The following CACNA1E variants were observed in gnomAD, a reference collection of about 807,000 sequenced individuals.
CACNA1E encodes the protein calcium voltage-gated channel subunit alpha1 E.
Under a neutral mutation model 259.2 loss-of-function variants are expected in CACNA1E, and 40 were observed. That is an observed-to-expected ratio of 0.15 (90% CI 0.12 to 0.20). The LOEUF is 0.20. Ranked by LOEUF, CACNA1E falls within the 10% of genes least tolerant of loss-of-function variation. CACNA1E has a pLI of 1.00. For synonymous variants in CACNA1E, 1,104 were observed against 1,138.5 expected (o/e 0.97, Z 0.61); for missense variants, 1,874 against 3,040.1 (o/e 0.62, Z 9.02).
chr1:181,356,101 A>G (rs376728717), intron 1 of CACNA1E, among the ~76,000 whole-genome samples: 1 of 152,314 alleles, frequency 6.6e-6, no homozygotes, highest in African/African-American at 2.4e-5. Context: ...ACTCAGGGCC[A>G]TCACAGTGCC....
chr1:181,445,074 C>T (rs143304065), intron 2 of CACNA1E, among the ~76,000 whole-genome samples: 350 of 152,238 alleles, frequency 2.3e-3, no homozygotes, highest in African/African-American at 8.1e-3. Context: ...AAGAGAGATA[C>T]GTACTGAGCC....
chr1:181,408,788 T>C (rs1468947198), intron 1 of CACNA1E, among the ~76,000 whole-genome samples: 3 of 152,210 alleles, frequency 2.0e-5, no homozygotes, highest in Non-Finnish European at 2.9e-5. Context: ...AGACTGGTGC[T>C]CTCAAAGCTT....
At chr1:181,559,600 G>GAGTTATT (rs1649101751) in intron 3 of CACNA1E, among the ~76,000 whole-genome samples, 9 of 152,214 alleles carry the variant, frequency 5.9e-5, no homozygotes, top group Admixed American at 5.9e-4. Context: ...AAACACTACA[G>GAGTTATT]AGTTATTATA....
chr1:181,791,156 A>G (rs976039125), intron 44 of CACNA1E, among the ~76,000 whole-genome samples: 2 of 152,228 alleles, frequency 1.3e-5, no homozygotes, highest in East Asian at 1.9e-4. Flanking sequence ...CCTGACCCCA[A>G]AATGAGTTTA....
intron 11 of CACNA1E, among the ~76,000 whole-genome samples, 199 bp downstream of exon 11, chr1:181,717,501 C>T (rs1223505677): frequency 6.6e-6 from 1 of 152,140 alleles, no homozygotes; most frequent in Non-Finnish European, 1.5e-5. Flanking sequence ...GTAAACAGAT[C>T]ATTGTTGATG....
intron 6 of CACNA1E, among the ~76,000 whole-genome samples, chr1:181,644,730 A>C (rs911701009): frequency 6.6e-6 from 1 of 152,180 alleles, no homozygotes; most frequent in African/African-American, 2.4e-5. Flanking sequence ...ATGTGAGGGA[A>C]GCAGGATAGG....
intron 7 of CACNA1E, among the ~76,000 whole-genome samples, chr1:181,708,996 G>T (rs1169103159): frequency 6.6e-6 from 1 of 152,206 alleles, no homozygotes; most frequent in Non-Finnish European, 1.5e-5. Context: ...GGGTGCTATT[G>T]CAGTGGTCCA....
chr1:181,702,843 T>C (rs1477352852), intron 7 of CACNA1E, among the ~76,000 whole-genome samples: 2 of 152,266 alleles, frequency 1.3e-5, no homozygotes, highest in Non-Finnish European at 2.9e-5. Context: ...ATACTTACTA[T>C]ACTTCTCTGC....
intron 6 of CACNA1E, among the ~76,000 whole-genome samples, chr1:181,593,129 T>C (rs181208540): frequency 1.3e-5 from 2 of 152,326 alleles, no homozygotes; most frequent in East Asian, 3.9e-4. Flanking sequence ...TGAGAAAAAG[T>C]ATACGAAAGT....
At chr1:181,700,213 G>A (rs935481018) in intron 7 of CACNA1E, among the ~76,000 whole-genome samples, 2 of 152,154 alleles carry the variant, frequency 1.3e-5, no homozygotes, top group Non-Finnish European at 2.9e-5. Context: ...CTCCTGGAAG[G>A]ATAAGCTGAA....
chr1:181,318,941 G>A (rs901160416), intron 1 of CACNA1E, among the ~76,000 whole-genome samples: 1 of 152,210 alleles, frequency 6.6e-6, no homozygotes, highest in African/African-American at 2.4e-5. Context: ...CTTTCCCAGG[G>A]ATGGAACATC....
At chr1:181,323,285 T>C (rs901610664) in intron 1 of CACNA1E, among the ~76,000 whole-genome samples, 2 of 152,250 alleles carry the variant, frequency 1.3e-5, no homozygotes, top group Admixed American at 6.5e-5. Flanking sequence ...TCCAGTACTT[T>C]AATAAAGTAT....
intron 6 of CACNA1E, among the ~76,000 whole-genome samples, chr1:181,630,135 G>A (rs1453539447): frequency 1.3e-5 from 2 of 152,070 alleles, no homozygotes; most frequent in Non-Finnish European, 2.9e-5. Flanking sequence ...GAGGGTGGGG[G>A]CAAGTAACTT....
At chr1:181,413,293 C>A (rs1325464074) in exon 2 of CACNA1E, 1 of 152,398 alleles carries the variant, frequency 6.6e-6, no homozygotes, top group Non-Finnish European at 1.5e-5. Flanking sequence ...CATGGCGGCC[C>A]CAGCAGTGCG....
chr1:181,656,263 C>T (rs1193723868), intron 7 of CACNA1E, among the ~76,000 whole-genome samples: 1 of 152,112 alleles, frequency 6.6e-6, no homozygotes, highest in African/African-American at 2.4e-5. Context: ...GATGACAGCT[C>T]CCTGTGTGTT....
intron 1 of CACNA1E, among the ~76,000 whole-genome samples, chr1:181,342,282 A>T (rs11579618): frequency 0.031 from 4,702 of 152,208 alleles, 84 homozygotes; most frequent in Middle Eastern, 0.065. Context: ...ATAGCCTTAT[A>T]AAGCATTTGG....
chr1:181,643,510 C>T (rs938666723), intron 6 of CACNA1E, among the ~76,000 whole-genome samples: 2 of 152,192 alleles, frequency 1.3e-5, no homozygotes, highest in African/African-American at 4.8e-5. Context: ...TTTTCACTGA[C>T]ACACGGGTAC....
intron 3 of CACNA1E, among the ~76,000 whole-genome samples, chr1:181,550,344 G>T (rs1396199135): frequency 6.6e-6 from 1 of 152,130 alleles, no homozygotes; most frequent in Non-Finnish European, 1.5e-5. Flanking sequence ...ACTGGGTGTG[G>T]TGCCCTATAG....
At chr1:181,640,877 T>C (rs1349583922) in intron 6 of CACNA1E, among the ~76,000 whole-genome samples, 1 of 152,232 alleles carries the variant, frequency 6.6e-6, no homozygotes, top group Non-Finnish European at 1.5e-5. Context: ...TAGGCATTTG[T>C]AGAGTGAACA....
Sources: allele counts gnomAD v4.1 joint callset (sites outside exome capture counted in the v4.1 genomes callset), GRCh38; gene constraint gnomAD v4.1.1; transcripts MANE v1.5; gene names NCBI Gene and HGNC (gene_info 2026-07-23, HGNC 2026-07-21).